The following LRRC37A2 variants were observed in gnomAD, a reference collection of about 807,000 sequenced individuals.
The protein encoded by LRRC37A2 is leucine rich repeat containing 37 member A2.
Under a neutral mutation model 68.8 loss-of-function variants are expected in LRRC37A2, and 9 were observed. The observed-to-expected ratio is 0.13, with a 90% CI of 0.08 to 0.23. The LOEUF (loss-of-function observed/expected upper bound fraction) is 0.23. LRRC37A2 is among the 10% of genes least tolerant of loss of function. The pLI is 1.00. For missense variants in LRRC37A2, 168 were observed against 950.4 expected, an observed-to-expected ratio of 0.18 and a Z score of 10.82; for synonymous variants, 63 against 367.6, an observed-to-expected ratio of 0.17 and a Z score of 9.48.
chr17:46,841,458 G>A, the LRRC37A2 span, among the ~76,000 whole-genome samples: 1 of 152,256 alleles, frequency 6.6e-6, no homozygotes, highest in Non-Finnish European at 1.5e-5. Context: ...CCTCTGGGCG[G>A]GAGGGTGGAG....
chr17:46,548,902 G>A lies in LRRC37A2; in HGVS notation c.3763G>A (p.Ala1255Thr), dbSNP rs200419055. 5.8e-5 allele frequency: 93 copies of A among 1,612,542 alleles called. 2 individuals carry two copies. The East Asian group carries it at 1.7e-3, about 30-fold the overall frequency. ...TGTGCTGAAACCCTTCTCCAAGGGC[G>A]CGCCTTCTACCTCCAGCCCTGCAAA... The change falls in exon 10 of 15, where the codon GCG (alanine) becomes ACG (threonine). Residue 1255 changes from alanine (A) to threonine (T), a missense_variant. By Grantham distance (58) the Ala-to-Thr change is moderately conservative (BLOSUM62 0). Coordinates refer to ENST00000576629, the Ensembl canonical transcript of LRRC37A2.
chr17:46,749,754 AT>A, the LRRC37A2 span: 1 of 1,606,604 alleles, frequency 6.2e-7, no homozygotes, highest in Non-Finnish European at 8.5e-7. Flanking sequence ...ATTTTAACAC[AT>A]TTTCTCCCTA....
At chr17:46,818,482 A>C in the LRRC37A2 span, 1 of 1,577,146 alleles carries the variant, frequency 6.3e-7, no homozygotes, top group Non-Finnish European at 8.6e-7. Context: ...CGCGGCGGAG[A>C]AACCGGGCCG....
At chr17:47,025,992 T>A in the LRRC37A2 span, among the ~76,000 whole-genome samples, 1 of 137,682 alleles carries the variant, frequency 7.3e-6, no homozygotes, top group Non-Finnish European at 1.5e-5. Context: ...ACCTAGTCCA[T>A]GCTTTCAGGG....
the LRRC37A2 span, among the ~76,000 whole-genome samples, chr17:46,726,310 T>C: frequency 6.6e-6 from 1 of 152,202 alleles, no homozygotes; most frequent in African/African-American, 2.4e-5. Flanking sequence ...AGTTGATTAA[T>C]GATCAGCTAG....
chr17:47,020,805 A>AAAAAAAAAAAAAAAAAG, the LRRC37A2 span, among the ~76,000 whole-genome samples: 1 of 136,526 alleles, frequency 7.3e-6, no homozygotes, highest in Non-Finnish European at 1.6e-5. Flanking sequence ...AAAAAAAAAA[A>AAAAAAAAAAAAAAAAAG]ATAGGAGGGA....
chr17:46,759,902 G>A, the LRRC37A2 span, among the ~76,000 whole-genome samples: 20 of 152,214 alleles, frequency 1.3e-4, no homozygotes, highest in Admixed American at 1.2e-3. Flanking sequence ...GTGTTTAGAC[G>A]TTTGTAAGTA....
chr17:47,012,777 G>T, the LRRC37A2 span, among the ~76,000 whole-genome samples: 6 of 152,152 alleles, frequency 3.9e-5, no homozygotes, highest in African/African-American at 1.4e-4. Flanking sequence ...TACTGTTGAT[G>T]GGAATGCAAA....
chr17:46,713,536 A>C, the LRRC37A2 span, among the ~76,000 whole-genome samples: 4 of 152,226 alleles, frequency 2.6e-5, no homozygotes, highest in Non-Finnish European at 4.4e-5. Context: ...ATAAGTACTA[A>C]TATGCATTTG....
chr17:46,861,766 T>G, the LRRC37A2 span, among the ~76,000 whole-genome samples: 1 of 152,220 alleles, frequency 6.6e-6, no homozygotes, highest in Admixed American at 6.5e-5. Flanking sequence ...TCCTGGAAAC[T>G]TCCAAGAGGC....
At chr17:46,807,796 G>A in the LRRC37A2 span, among the ~76,000 whole-genome samples, 1 of 152,212 alleles carries the variant, frequency 6.6e-6, no homozygotes, top group East Asian at 1.9e-4. Flanking sequence ...GCAGGATCAG[G>A]GAAGGTCCAC....
chr17:46,977,708 G>C, the LRRC37A2 span, among the ~76,000 whole-genome samples: 12 of 152,326 alleles, frequency 7.9e-5, no homozygotes, highest in East Asian at 2.1e-3. Flanking sequence ...GGTTTCTTCC[G>C]TCTACTCATC....
chr17:46,959,388 C>G, the LRRC37A2 span, among the ~76,000 whole-genome samples: 1 of 152,208 alleles, frequency 6.6e-6, no homozygotes, highest in Non-Finnish European at 1.5e-5. Context: ...TCTGGTAGTC[C>G]TCAAAAGCCA....
the LRRC37A2 span, among the ~76,000 whole-genome samples, chr17:46,819,640 C>T: frequency 2.6e-5 from 4 of 152,224 alleles, no homozygotes; most frequent in African/African-American, 9.6e-5. The surrounding 1 kb of genome is among the most constrained non-coding windows in gnomAD (Gnocchi z 5.3). Context: ...CACTGCCCGA[C>T]CGTCCCGCCT....
At chr17:47,014,618 T>C in the LRRC37A2 span, among the ~76,000 whole-genome samples, 67,999 of 147,108 alleles carry the variant, frequency 0.46, 15,765 homozygotes, top group Non-Finnish European at 0.52. Context: ...AGAGCAGAAC[T>C]GAGGATTGTA....
the LRRC37A2 span, chr17:47,019,786 C>T: frequency 1.3e-5 from 14 of 1,066,430 alleles, no homozygotes; most frequent in East Asian, 2.4e-4. Flanking sequence ...CCCACAATGG[C>T]ACCTTCACCA....
chr17:46,951,323 T>C, the LRRC37A2 span, among the ~76,000 whole-genome samples: 1 of 152,122 alleles, frequency 6.6e-6, no homozygotes, highest in Non-Finnish European at 1.5e-5. Flanking sequence ...GGACCAGAGC[T>C]CATCCACCCA....
At chr17:46,754,240 A>G in the LRRC37A2 span, among the ~76,000 whole-genome samples, 1 of 148,748 alleles carries the variant, frequency 6.7e-6, no homozygotes, top group Non-Finnish European at 1.5e-5. Context: ...TTAGCTATTC[A>G]CACTTTTTCT....
the LRRC37A2 span, among the ~76,000 whole-genome samples, chr17:46,881,384 G>T: frequency 6.6e-6 from 1 of 152,236 alleles, no homozygotes. Flanking sequence ...GCAGCAGCAG[G>T]CTCCAGTTTA....
Sources: allele counts gnomAD v4.1 joint callset (sites outside exome capture counted in the v4.1 genomes callset), GRCh38; gene constraint gnomAD v4.1.1; non-coding constraint Gnocchi (gnomAD v3.1); transcripts MANE v1.5; gene names NCBI Gene and HGNC (gene_info 2026-07-23, HGNC 2026-07-21).